The following PIK3CD variants were observed in gnomAD, a reference collection of about 807,000 sequenced individuals.
The protein encoded by PIK3CD is phosphatidylinositol-4,5-bisphosphate 3-kinase catalytic subunit delta.
A neutral mutation model predicts 122.9 loss-of-function variants in PIK3CD; 20 were observed. The observed-to-expected ratio is 0.16, with a 90% CI of 0.11 to 0.24. The LOEUF is 0.24. Ranked by LOEUF, PIK3CD falls within the 10% of genes least tolerant of loss-of-function variation. The pLI is 1.00. For missense variants in PIK3CD, 787 were observed against 1,406.3 expected, an observed-to-expected ratio of 0.56 and a Z score of 7.04; for synonymous variants, 596 against 593.4, an observed-to-expected ratio of 1.00 and a Z score of -0.06.
the PIK3CD span, among the ~76,000 whole-genome samples, chr1:9,628,217 G>A: frequency 1.3e-3 from 194 of 152,072 alleles, no homozygotes; most frequent in Non-Finnish European, 2.2e-3. Context: ...CAGGAAAATC[G>A]CTTGAATCTG....
Position 9,724,224 on chromosome 1 carries a change from C to G in PIK3CD, c.2719-52C>G. The G allele has an allele frequency of 6.2e-7, 1 of 1,613,232 alleles. No homozygotes were observed. Among genetic ancestry groups the G allele is most frequent in the Non-Finnish European group, 8.5e-7 (1 of 1,179,652 alleles). ...GCTGGCTTCCTGTCTCCCCTGGATT[C>G]TCTCCTGTCTGACACCTTCTCAATC... On this transcript the variant is annotated intron_variant, in intron 21 of 23. Coordinates refer to ENST00000377346, the MANE Select transcript of PIK3CD (RefSeq NM_005026.5). This position sits in a 1 kb window ranked among gnomAD's most constrained non-coding sequence, Gnocchi z 7.3.
At chr1:9,725,015 T>G in intron 23 of PIK3CD, 79 bp downstream of exon 23, 1 of 1,541,692 alleles carries the variant, frequency 6.5e-7, no homozygotes, top group Non-Finnish European at 8.9e-7. Flanking sequence ...AGGAGGGCCC[T>G]GAATGCAGTA....
chr1:9,672,645 C>G (rs1041993307), intron 1 of PIK3CD: 1 of 152,096 alleles, frequency 6.6e-6, no homozygotes, highest in Non-Finnish European at 1.5e-5. Flanking sequence ...AGGCTGGTCT[C>G]CAACTTCTGG....
At chr1:9,650,213 G>A (rs1644646248), upstream of PIK3CD, among the ~76,000 whole-genome samples, 1 of 152,056 alleles carries the variant, frequency 6.6e-6, no homozygotes, top group Admixed American at 6.6e-5. Flanking sequence ...CATGAGGTCA[G>A]GAGTTCAAGA....
chr1:9,688,405 C>G (rs1486254174), intron 1 of PIK3CD: 1 of 152,286 alleles, frequency 6.6e-6, no homozygotes, highest in East Asian at 1.9e-4. Flanking sequence ...CCAAACTAAA[C>G]TGGTGCCAGC....
rs1001849803 is a variant in PIK3CD at position 9,718,756 on chromosome 1, G to C, written c.1083G>C (p.Ser361=). The change falls in exon 9 of 24, where the codon TCG becomes TCC. Residue 361 remains serine (S), a synonymous_variant. Transcript: ENST00000377346. This position sits in a 1 kb window ranked among gnomAD's most constrained non-coding sequence, Gnocchi z 7.2. Reference sequence around the variant, plus strand: ...TGCTGTGCAAGACGGTGTCCAGCTCGGAGGTGAGCGTGTGCTCGGAGCCCG... The same window carrying C: ...TGCTGTGCAAGACGGTGTCCAGCTCCGAGGTGAGCGTGTGCTCGGAGCCCG... ...NEMLCKTVSS[S]EVSVCSEPVW... The C allele has an allele frequency of 1.9e-5, 30 of 1,610,032 alleles. No individual in the cohort carries two copies. The highest frequency in any genetic ancestry group is 8.3e-5 in the Admixed American group (5 of 59,938).
chr1:9,691,687 TTC>T (rs1461735991), intron 2 of PIK3CD, 116 bp downstream of exon 2: 9 of 393,350 alleles, frequency 2.3e-5, no homozygotes, highest in Non-Finnish European at 4.0e-5. Flanking sequence ...AAAGGAAGAC[TTC>T]TCTGTAGGAC....
At chr1:9,650,902 G>A (rs1019987725), upstream of PIK3CD, among the ~76,000 whole-genome samples, 3 of 152,122 alleles carry the variant, frequency 2.0e-5, no homozygotes, top group Non-Finnish European at 4.4e-5. Flanking sequence ...GGAGTGCAGT[G>A]GTGCCATCAT....
chr1:9,667,963 T>C (rs1291297989), intron 1 of PIK3CD, among the ~76,000 whole-genome samples: 1 of 144,512 alleles, frequency 6.9e-6, no homozygotes, highest in Non-Finnish European at 1.5e-5. Context: ...ATGTTGCCCA[T>C]GATGGTCTGG....
the PIK3CD span, among the ~76,000 whole-genome samples, chr1:9,640,225 C>T: frequency 2.0e-5 from 3 of 152,136 alleles, no homozygotes; most frequent in Admixed American, 2.0e-4. Flanking sequence ...TGCCCTCATC[C>T]TAGAATTGCC....
At chr1:9,667,266 G>A (rs1440921598) in intron 1 of PIK3CD, among the ~76,000 whole-genome samples, 1 of 152,162 alleles carries the variant, frequency 6.6e-6, no homozygotes, top group Non-Finnish European at 1.5e-5. Flanking sequence ...AGGAATTCAA[G>A]GTTGCCAAGG....
chr1:9,683,468 C>A (rs1029461709), intron 1 of PIK3CD, among the ~76,000 whole-genome samples: 2 of 108,412 alleles, frequency 1.8e-5, no homozygotes, highest in South Asian at 3.5e-4. Context: ...ACAACAACAA[C>A]AACAAAAAAA....
rs1646602734 is a variant in PIK3CD at position 9,700,936 on chromosome 1, G to T, written c.-33+9365G>T. Among the ~76,000 whole-genome samples the T allele has an allele frequency of 6.6e-6, 1 of 152,178 alleles. No homozygotes were observed. Among genetic ancestry groups the T allele is most frequent in the South Asian group, 2.1e-4 (1 of 4,820 alleles). ...TATGTCTGGATTCCGTTGCTCTCCA[G>T]TGCTGTCTCCTTCTGGGTCAAGCCA... is the stretch of plus-strand genomic sequence containing the variant. On this transcript the variant is annotated intron_variant, in intron 2 of 23. Coordinates refer to ENST00000377346, the MANE Select transcript of PIK3CD (RefSeq NM_005026.5). The surrounding 1 kb of genome is among the most constrained non-coding windows in gnomAD (Gnocchi z 5.1).
the PIK3CD span, among the ~76,000 whole-genome samples, chr1:9,627,770 T>G: frequency 6.6e-6 from 1 of 152,122 alleles, no homozygotes; most frequent in Non-Finnish European, 1.5e-5. Context: ...CGGGTGCTGT[T>G]GGTGCTGAGG....
At chr1:9,686,115 C>A (rs1337853652) in intron 1 of PIK3CD, among the ~76,000 whole-genome samples, 1 of 152,300 alleles carries the variant, frequency 6.6e-6, no homozygotes, top group East Asian at 1.9e-4. Flanking sequence ...AAATACTCTT[C>A]CATCTTCTAG....
Position 9,700,339 on chromosome 1 carries a change from A to G in PIK3CD, c.-33+8768A>G, listed in dbSNP as rs1477199649. On this transcript the variant is annotated intron_variant, in intron 2 of 23. Transcript: ENST00000377346. The surrounding 1 kb of genome is among the most constrained non-coding windows in gnomAD (Gnocchi z 5.1). ...GGCTCCAGAAAGAGCACCAAGGAGA[A>G]CATTTCAGGACAGACTGTAAGGGTG... is the stretch of plus-strand genomic sequence containing the variant. 6.6e-6 allele frequency among the ~76,000 whole-genome samples: 1 copy of G among 152,104 alleles called. No homozygotes were observed. The highest frequency in any genetic ancestry group is 1.5e-5 in the Non-Finnish European group (1 of 68,014).
At chr1:9,671,318 C>G (rs377177105) in intron 1 of PIK3CD, among the ~76,000 whole-genome samples, 7 of 152,090 alleles carry the variant, frequency 4.6e-5, no homozygotes, top group Non-Finnish European at 8.8e-5. Context: ...AGACTGGTCT[C>G]CAACTCCTGG....
rs1165670404 is a variant in PIK3CD, at chr1:9,658,521, A to ATTTTTTTTTTT, written c.-138+6732_-138+6742dup. 1.4e-4 allele frequency among the ~76,000 whole-genome samples: 13 copies of ATTTTTTTTTTT among 91,178 alleles called. 1 individual carries two copies. The highest frequency in any genetic ancestry group is 8.1e-4 in the East Asian group (2 of 2,468). The allele number at this position is 91,178 out of a possible 152,430, so 59.8% of individuals were successfully genotyped here. On this transcript the variant is annotated intron_variant, in intron 1 of 23. Coordinates refer to ENST00000377346, the MANE Select transcript of PIK3CD (RefSeq NM_005026.5). ...CTGAACTGGGTTTTTTCCCAGCCACATTTTTTTTTTTTTTTTTTTTTTTGG... is the reference window on the plus strand; with the variant it reads ...CTGAACTGGGTTTTTTCCCAGCCACATTTTTTTTTTTTTTTTTTTTTTTTTTTTTTTTTTGG...
chr1:9,653,536 GA>G (rs1456406255), intron 1 of PIK3CD: 3 of 306,430 alleles, frequency 9.8e-6, no homozygotes, highest in East Asian at 1.7e-4. Flanking sequence ...TCTTGGGGGG[GA>G]TTTGGAGGGG....
Sources: allele counts gnomAD v4.1 joint callset (sites outside exome capture counted in the v4.1 genomes callset), GRCh38; gene constraint gnomAD v4.1.1; non-coding constraint Gnocchi (gnomAD v3.1); transcripts MANE v1.5; gene names NCBI Gene and HGNC (gene_info 2026-07-23, HGNC 2026-07-21).